Variants in ADIPOR2 observed in about 807,000 individuals in gnomAD.
ADIPOR2 encodes adiponectin receptor protein 2.
In ADIPOR2, 18 loss-of-function variants were observed where a neutral mutation model predicts 40.9. The ratio of observed to expected loss-of-function variants is 0.44; its 90% confidence interval spans 0.30 to 0.65. ADIPOR2 has a LOEUF of 0.65. Ranked by LOEUF, ADIPOR2 falls within the 30% of genes least tolerant of loss-of-function variation. The pLI is 0.09. For synonymous variants in ADIPOR2, 165 were observed against 166.4 expected (o/e 0.99, Z 0.06); for missense variants, 283 against 479.2 (o/e 0.59, Z 3.82).
intron 2 of ADIPOR2, among the ~76,000 whole-genome samples, chr12:1,768,579 GTTGAA>G (rs1209023057): frequency 1.3e-5 from 2 of 152,112 alleles, no homozygotes; most frequent in African/African-American, 4.8e-5. Context: ...GAATTACTCT[GTTGAA>G]TTGAGTTAGG....
chr12:1,748,410 G>A (rs993330629), intron 1 of ADIPOR2, among the ~76,000 whole-genome samples: 6 of 151,954 alleles, frequency 3.9e-5, no homozygotes, highest in Non-Finnish European at 2.9e-5. Flanking sequence ...CACCACGCCT[G>A]GCTAATTTTT....
chr12:1,699,350 G>T (rs954767328), intron 1 of ADIPOR2, among the ~76,000 whole-genome samples: 3 of 152,152 alleles, frequency 2.0e-5, no homozygotes, highest in Non-Finnish European at 2.9e-5. Flanking sequence ...GGGTGCGGTC[G>T]CTCAGGCCTG....
At chr12:1,731,542 A>G (rs547126527) in intron 1 of ADIPOR2, among the ~76,000 whole-genome samples, 11 of 152,324 alleles carry the variant, frequency 7.2e-5, no homozygotes, top group Admixed American at 5.2e-4. Flanking sequence ...GGTAAGTTCT[A>G]TTACACTTTC....
chr12:1,729,242 G>T (rs1674160172), intron 1 of ADIPOR2, among the ~76,000 whole-genome samples: 1 of 151,862 alleles, frequency 6.6e-6, no homozygotes, highest in South Asian at 2.1e-4. Flanking sequence ...ATAAATATTG[G>T]AATACTGGCT....
Position 1,783,794 on chromosome 12 carries a change from A to AAACT in ADIPOR2, c.839-86_839-85insAACT, listed in dbSNP as rs372341339. ...TGCTACTTTGAAATATTCAGTTTAC[A>AAACT]GAGTTAATGGTGCTGTGCTGTAATA... On this transcript the variant is annotated intron_variant, in intron 6 of 7. Transcript: ENST00000357103. 1.4e-4 allele frequency: 149 copies of AAACT among 1,099,056 alleles called. No homozygotes were observed. In the African/African-American group the frequency reaches 2.3e-3, roughly 17 times the overall value. The allele number at this position is 1,099,056 out of a possible 1,614,324, so 68.1% of individuals were successfully genotyped here. A position where few individuals can be genotyped will look rare whatever the true frequency, so the allele number is the denominator to read the frequency against.
At chr12:1,716,472 C>T (rs76622172) in intron 1 of ADIPOR2, among the ~76,000 whole-genome samples, 411 of 152,226 alleles carry the variant, frequency 2.7e-3, no homozygotes, top group Non-Finnish European at 4.1e-3. Context: ...ATTTAACCTT[C>T]GATTGTTTGT....
intron 1 of ADIPOR2, among the ~76,000 whole-genome samples, chr12:1,702,733 TCTTAA>T (rs2094652964): frequency 6.6e-6 from 1 of 152,260 alleles, no homozygotes; most frequent in Non-Finnish European, 1.5e-5. Flanking sequence ...GTGGCTTATC[TCTTAA>T]CTTTATATGG....
At chr12:1,710,455 G>A (rs898458119) in intron 1 of ADIPOR2, among the ~76,000 whole-genome samples, 1 of 152,006 alleles carries the variant, frequency 6.6e-6, no homozygotes, top group Non-Finnish European at 1.5e-5. Context: ...CGGGACCATT[G>A]GACCCCTTTT....
At chr12:1,716,055 C>CT (rs2094687017) in intron 1 of ADIPOR2, among the ~76,000 whole-genome samples, 1 of 152,198 alleles carries the variant, frequency 6.6e-6, no homozygotes, top group Non-Finnish European at 1.5e-5. Flanking sequence ...TCCGTGCCAC[C>CT]TTTAAGAGCT....
At chr12:1,726,370 G>T (rs1311093917) in intron 1 of ADIPOR2, among the ~76,000 whole-genome samples, 4 of 152,076 alleles carry the variant, frequency 2.6e-5, no homozygotes, top group African/African-American at 9.7e-5. Flanking sequence ...GCTAATTTTT[G>T]TATTTTTAGT....
intron 1 of ADIPOR2, among the ~76,000 whole-genome samples, chr12:1,748,852 C>G (rs2094762764): frequency 6.6e-6 from 1 of 151,926 alleles, no homozygotes. Context: ...CACCAAGCAG[C>G]AGACAGCAGC....
intron 1 of ADIPOR2, among the ~76,000 whole-genome samples, chr12:1,720,254 T>G (rs1234065954): frequency 1.3e-5 from 2 of 152,188 alleles, no homozygotes; most frequent in African/African-American, 4.8e-5. Context: ...AGATATTTAC[T>G]GAATACACTT....
intron 1 of ADIPOR2, among the ~76,000 whole-genome samples, chr12:1,692,856 A>G (rs929912303): frequency 3.3e-5 from 5 of 152,010 alleles, no homozygotes; most frequent in South Asian, 2.1e-4. Context: ...CTCTTTTTGT[A>G]AATAAAGATT....
At chr12:1,742,220 G>A (rs1441920237) in intron 1 of ADIPOR2, among the ~76,000 whole-genome samples, 2 of 152,192 alleles carry the variant, frequency 1.3e-5, no homozygotes, top group Non-Finnish European at 2.9e-5. Flanking sequence ...AGTGTCCTGA[G>A]TAGTTGGGAC....
intron 1 of ADIPOR2, among the ~76,000 whole-genome samples, chr12:1,708,723 CTT>C (rs1266225378): frequency 8.4e-5 from 12 of 142,852 alleles, no homozygotes; most frequent in Middle Eastern, 3.6e-3. Flanking sequence ...TATACCTATA[CTT>C]TTTTTTTTTT....
intron 2 of ADIPOR2, among the ~76,000 whole-genome samples, chr12:1,758,532 G>T (rs1592617150): frequency 6.6e-6 from 1 of 152,256 alleles, no homozygotes; most frequent in East Asian, 1.9e-4. Context: ...GAAGTTGTTT[G>T]CTGAAAAAGA....
intron 1 of ADIPOR2, among the ~76,000 whole-genome samples, chr12:1,744,852 A>G (rs2094751544): frequency 6.6e-6 from 1 of 152,244 alleles, no homozygotes; most frequent in Admixed American, 6.5e-5. Flanking sequence ...TATAAGCTCT[A>G]TCGAGTTCAA....
At chr12:1,713,426 A>G (rs2094681481) in intron 1 of ADIPOR2, among the ~76,000 whole-genome samples, 1 of 152,064 alleles carries the variant, frequency 6.6e-6, no homozygotes, top group Non-Finnish European at 1.5e-5. Context: ...TTAAATGTCT[A>G]ACAATATCCT....
intron 1 of ADIPOR2, among the ~76,000 whole-genome samples, chr12:1,707,683 G>C (rs2094666265): frequency 6.6e-6 from 1 of 152,036 alleles, no homozygotes; most frequent in Non-Finnish European, 1.5e-5. Context: ...TGTGTGCCCA[G>C]GCTGGTCTTT....
Sources: gnomAD v4.1 joint callset for allele counts (sites outside exome capture counted in the v4.1 genomes callset) on GRCh38, gnomAD v4.1.1 for gene constraint, MANE v1.5 for transcripts, NCBI Gene and HGNC (gene_info 2026-07-23, HGNC 2026-07-21) for gene names.